The following M1AP variants were observed in gnomAD, a reference collection of about 807,000 sequenced individuals.
M1AP encodes meiosis 1 arrest protein.
A neutral mutation model predicts 51.2 loss-of-function variants in M1AP; 39 were observed. The ratio of observed to expected loss-of-function variants is 0.76; its 90% CI spans 0.59 to 1.00. The LOEUF (loss-of-function observed/expected upper bound fraction) is 1.00. Ranked by LOEUF, M1AP falls within the 50% of genes least tolerant of loss-of-function variation. The probability of loss-of-function intolerance (pLI) is 0.00; values close to 1 mark genes in which losing one functional copy is unlikely to be tolerated. For synonymous variants in M1AP, 251 were observed against 249.2 expected (o/e 1.01, Z -0.07); for missense variants, 545 against 641.2 (o/e 0.85, Z 1.62).
intron 5 of M1AP, among the ~76,000 whole-genome samples, chr2:74,580,710 G>A (rs2104586392): frequency 6.6e-6 from 1 of 152,324 alleles, no homozygotes; most frequent in Non-Finnish European, 1.5e-5. Context: ...GGTAACCCCA[G>A]TGAGTCGTGT....
chr2:74,616,264 T>G (rs953977951), intron 2 of M1AP, among the ~76,000 whole-genome samples: 1 of 152,264 alleles, frequency 6.6e-6, no homozygotes, highest in African/African-American at 2.4e-5. Flanking sequence ...TACCCCCTTA[T>G]GCATTTTTAA....
intron 2 of M1AP, among the ~76,000 whole-genome samples, chr2:74,634,430 C>A (rs1682862052): frequency 2.0e-5 from 3 of 152,168 alleles, no homozygotes. Flanking sequence ...TATACAAATT[C>A]TTTGACATAC....
intron 7 of M1AP, among the ~76,000 whole-genome samples, chr2:74,567,300 C>T (rs1678454462): frequency 6.6e-6 from 1 of 152,186 alleles, no homozygotes; most frequent in Non-Finnish European, 1.5e-5. Flanking sequence ...GAAATACAAA[C>T]CATCCACTTT....
At chr2:74,632,901 G>C (rs1682781284) in intron 2 of M1AP, among the ~76,000 whole-genome samples, 1 of 152,044 alleles carries the variant, frequency 6.6e-6, no homozygotes, top group Admixed American at 6.6e-5. Context: ...GTGCCAGAAG[G>C]ATATAACATA....
chr2:74,640,064 T>C lies in M1AP; in HGVS notation c.212A>G (p.Asp71Gly). 6.2e-7 allele frequency: 1 copy of C among 1,614,188 alleles called. No homozygotes were observed. The change falls in exon 2 of 11, where the codon GAT (aspartate) becomes GGT (glycine). Residue 71 changes from aspartate (D) to glycine (G), a missense_variant. By Grantham distance (94) the Asp-to-Gly change is moderately conservative (BLOSUM62 -1). Coordinates refer to ENST00000421985, the MANE Select transcript of M1AP (RefSeq NM_001321739.2). ...MSLFSLYMVQDQHECILPFVQ... is the reference protein window; with the variant it reads ...MSLFSLYMVQGQHECILPFVQ... ...AAAAGGGAGGATGCACTCATGCTGA[T>C]CTTGTACCATGTATAAACTGAACAG...
intron 2 of M1AP, chr2:74,628,526 C>A: frequency 2.1e-6 from 1 of 476,872 alleles, no homozygotes; most frequent in South Asian, 1.8e-5. Flanking sequence ...AGGCAAATAT[C>A]ACCCAAAGCA....
rs151091371 is a variant in M1AP at position 74,640,745 on chromosome 2, C to T, written c.-52-418G>A. On this transcript the variant is annotated intron_variant, in intron 1 of 10. Coordinates refer to ENST00000421985, the MANE Select transcript of M1AP (RefSeq NM_001321739.2). ...TGCTGGAATTACAGGCGTGAGCCAC[C>T]GTACCTGGCCCAGGCCATCCTATTT... 3.4e-3 allele frequency among the ~76,000 whole-genome samples: 509 copies of T among 151,630 alleles called. 4 individuals carry two copies. Among genetic ancestry groups the T allele is most frequent in the African/African-American group, 9.9e-3 (408 of 41,292 alleles).
chr2:74,636,615 CT>C (rs1449209080), intron 2 of M1AP, among the ~76,000 whole-genome samples: 1 of 151,920 alleles, frequency 6.6e-6, no homozygotes, highest in Non-Finnish European at 1.5e-5. Context: ...GAGTGTATTT[CT>C]TTGTATAGGT....
chr2:74,559,885 T>G (rs1677786197), intron 9 of M1AP, among the ~76,000 whole-genome samples, 176 bp from the exon 10 acceptor site: 2 of 152,242 alleles, frequency 1.3e-5, no homozygotes, highest in African/African-American at 4.8e-5. Context: ...CCAGTTTGCT[T>G]AATGGGACAA....
At chr2:74,645,478 A>G (rs1359734557) in intron 1 of M1AP, among the ~76,000 whole-genome samples, 1 of 152,190 alleles carries the variant, frequency 6.6e-6, no homozygotes, top group East Asian at 1.9e-4. Context: ...CACCAGACCA[A>G]ATTGAGGACT....
chr2:74,558,812 G>A lies in M1AP; in HGVS notation c.1497C>T (p.Val499=). 1 of 1,610,788 alleles carries A rather than the reference G, an allele frequency of 6.2e-7. No homozygotes were observed. ...CTGGCATCTTGGAGGCTCTGCCTGGGACAGGAGTCATAGGCAGGGGGGCCA... is the reference window on the plus strand; with the variant it reads ...CTGGCATCTTGGAGGCTCTGCCTGGAACAGGAGTCATAGGCAGGGGGGCCA... ...ATVAPLPMTP[V]PGRASKMPAA... The change falls in exon 11 of 11, where the codon GTC becomes GTT. Residue 499 remains valine, a synonymous_variant. Transcript: ENST00000421985.
intron 7 of M1AP, among the ~76,000 whole-genome samples, chr2:74,571,604 A>T (rs1192745665): frequency 6.6e-6 from 1 of 152,196 alleles, no homozygotes; most frequent in Non-Finnish European, 1.5e-5. Flanking sequence ...AATGAGCTGA[A>T]GTTTGTGAAA....
intron 6 of M1AP, among the ~76,000 whole-genome samples, chr2:74,576,092 G>A (rs1679050621): frequency 6.6e-6 from 1 of 152,100 alleles, no homozygotes; most frequent in African/African-American, 2.4e-5. Flanking sequence ...AGGGGGCAGG[G>A]GTAGATCCTA....
intron 7 of M1AP, among the ~76,000 whole-genome samples, chr2:74,574,948 T>C (rs2104561621): frequency 6.6e-6 from 1 of 152,350 alleles, no homozygotes; most frequent in South Asian, 2.1e-4. Context: ...TTTCTTTTCC[T>C]TTATAAACTT....
chr2:74,558,324 C>T lies in M1AP; in HGVS notation c.*392G>A, dbSNP rs1243941920. 5.4e-6 allele frequency: 1 copy of T among 184,266 alleles called. No individual in the cohort carries two copies. The highest frequency in any genetic ancestry group is 1.1e-5 in the Non-Finnish European group (1 of 89,684). 11.4% of individuals were successfully genotyped at this position (184,266 alleles called of 1,614,324 possible). A position where few individuals can be genotyped will look rare whatever the true frequency, so the allele number is the denominator to read the frequency against. The stretch of plus-strand genomic sequence containing the variant: ...CTTGTCTTTTATGAGCTTTCAAAAC[C>T]TCATCCTTGTTCCTGAGGTCCAGTT... On this transcript the variant is annotated 3_prime_UTR_variant, in exon 11 of 11. Transcript: ENST00000421985.
At chr2:74,592,778 T>C (rs929396936) in intron 4 of M1AP, among the ~76,000 whole-genome samples, 8 of 152,204 alleles carry the variant, frequency 5.3e-5, no homozygotes, top group African/African-American at 1.7e-4. Flanking sequence ...ACTTTTAATA[T>C]TATTATTTAC....
chr2:74,616,618 A>G (rs1293263080), intron 2 of M1AP, among the ~76,000 whole-genome samples: 2 of 152,150 alleles, frequency 1.3e-5, no homozygotes, highest in African/African-American at 4.8e-5. Flanking sequence ...CTCTGCATCT[A>G]AAACAGCTAT....
chr2:74,611,882 GTTTTTTTT>G (rs1188013311), intron 3 of M1AP, among the ~76,000 whole-genome samples: 7 of 42,938 alleles, frequency 1.6e-4, no homozygotes, highest in Non-Finnish European at 2.3e-4. Flanking sequence ...ACAAAAAAGT[GTTTTTTTT>G]TTTTTTTTTT....
chr2:74,578,519 C>A (rs180950646), intron 5 of M1AP, among the ~76,000 whole-genome samples: 1 of 152,104 alleles, frequency 6.6e-6, no homozygotes, highest in Admixed American at 6.5e-5. Context: ...AAGAAATACC[C>A]AAACTGTGGT....
Sources: allele counts gnomAD v4.1 joint callset (sites outside exome capture counted in the v4.1 genomes callset), GRCh38; gene constraint gnomAD v4.1.1; transcripts MANE v1.5; gene names NCBI Gene and HGNC (gene_info 2026-07-23, HGNC 2026-07-21).